Variants in KLF12 observed in about 807,000 individuals in gnomAD.
KLF12 encodes the protein KLF transcription factor 12.
Under a neutral mutation model 37.8 loss-of-function variants are expected in KLF12, and 9 were observed. The ratio of observed to expected loss-of-function variants is 0.24; its 90% CI spans 0.14 to 0.42. The LOEUF is 0.42. KLF12 is among the 10% of genes least tolerant of loss of function. KLF12 has a pLI of 1.00. For synonymous variants in KLF12, 208 were observed against 202.1 expected, an observed-to-expected ratio of 1.03 and a Z score of -0.25; for missense variants, 411 against 516.0, an observed-to-expected ratio of 0.80 and a Z score of 1.97.
the KLF12 span, among the ~76,000 whole-genome samples, chr13:74,217,036 T>C: frequency 6.6e-6 from 1 of 152,234 alleles, no homozygotes; most frequent in Non-Finnish European, 1.5e-5. Context: ...GTGTTTTTAT[T>C]TTTAAAAATA....
At chr13:74,045,363 G>A (rs771000125) in intron 1 of KLF12, among the ~76,000 whole-genome samples, 1 of 152,080 alleles carries the variant, frequency 6.6e-6, no homozygotes, top group African/African-American at 2.4e-5. Context: ...GGCATCAGAC[G>A]AATCTCGACT....
the KLF12 span, among the ~76,000 whole-genome samples, chr13:74,270,932 A>T: frequency 2.6e-3 from 401 of 152,274 alleles, 10 homozygotes; most frequent in East Asian, 0.051. Flanking sequence ...TAGGTTAGTT[A>T]GAACAGCAGT....
intron 3 of KLF12, among the ~76,000 whole-genome samples, chr13:73,913,196 G>A (rs915758841): frequency 6.6e-6 from 1 of 152,118 alleles, no homozygotes; most frequent in Non-Finnish European, 1.5e-5. Context: ...GACTACTTTT[G>A]TTTTGCATTT....
chr13:73,801,992 A>G (rs183434209), intron 5 of KLF12: 1 of 152,306 alleles, frequency 6.6e-6, no homozygotes, highest in Non-Finnish European at 1.5e-5. Flanking sequence ...GGCCGTTTAA[A>G]CAATAAATCA....
At chr13:73,718,632 C>T (rs1417553236) in intron 6 of KLF12, among the ~76,000 whole-genome samples, 4 of 152,194 alleles carry the variant, frequency 2.6e-5, no homozygotes, top group Non-Finnish European at 4.4e-5. Context: ...GTGGCTCACA[C>T]CAGTAATCCC....
At chr13:73,700,439 T>A (rs187658866) in intron 7 of KLF12, among the ~76,000 whole-genome samples, 3 of 152,128 alleles carry the variant, frequency 2.0e-5, no homozygotes, top group African/African-American at 7.2e-5. Flanking sequence ...TTTAATTATC[T>A]AAGTGATAAA....
intron 1 of KLF12, among the ~76,000 whole-genome samples, chr13:74,125,066 A>G (rs1877856816): frequency 6.6e-6 from 1 of 150,384 alleles, no homozygotes; most frequent in Non-Finnish European, 1.5e-5. Flanking sequence ...AATTGCTTGA[A>G]CCCAAGAGGC....
chr13:74,068,231 AT>A (rs1454241508), intron 1 of KLF12, among the ~76,000 whole-genome samples: 1 of 152,350 alleles, frequency 6.6e-6, no homozygotes, highest in African/African-American at 2.4e-5. Flanking sequence ...CACAGTGTCT[AT>A]TTCTACGAAA....
chr13:74,207,503 G>A, the KLF12 span, among the ~76,000 whole-genome samples: 8 of 151,930 alleles, frequency 5.3e-5, no homozygotes, highest in East Asian at 1.9e-4. Context: ...GTGAAACCCC[G>A]TCTCTACTAA....
At chr13:73,882,388 A>T (rs1887023135) in intron 3 of KLF12, among the ~76,000 whole-genome samples, 1 of 152,250 alleles carries the variant, frequency 6.6e-6, no homozygotes, top group African/African-American at 2.4e-5. Flanking sequence ...GGAATATACA[A>T]AAACAGAGGA....
At chr13:74,257,562 C>T in the KLF12 span, 1 of 152,174 alleles carries the variant, frequency 6.6e-6, no homozygotes, top group African/African-American at 2.4e-5. Context: ...CCCGTGGATG[C>T]TCCAGCACAT....
chr13:74,005,764 C>T (rs1007147513), intron 1 of KLF12, among the ~76,000 whole-genome samples: 1 of 152,232 alleles, frequency 6.6e-6, no homozygotes, highest in African/African-American at 2.4e-5. Context: ...TTATAAATGG[C>T]AATCTTTGTC....
chr13:74,197,890 C>A, the KLF12 span, among the ~76,000 whole-genome samples: 237 of 152,032 alleles, frequency 1.6e-3, 2 homozygotes, highest in East Asian at 4.1e-3. Flanking sequence ...CCATCTGGAA[C>A]AAAGAGGGCA....
intron 2 of KLF12, among the ~76,000 whole-genome samples, chr13:73,953,547 G>C (rs564909578): frequency 3.8e-4 from 58 of 152,146 alleles, no homozygotes; most frequent in Non-Finnish European, 7.6e-4. Context: ...ACACTGAAGG[G>C]AGTATGTAAT....
rs199656410 is a variant in KLF12 at position 73,846,383 on chromosome 13, G to A, written c.124-10C>T. 121 of 1,596,560 alleles carry A rather than the reference G, an allele frequency of 7.6e-5. No homozygotes were observed. The highest frequency in any genetic ancestry group is 5.1e-4 in the Admixed American group (29 of 57,030). ...TGTGGACGTTTGGAGACTGTGGGGA[G>A]AAAAATGGAACATATATTTATCTTT... On this transcript the variant is annotated splice_polypyrimidine_tract_variant and intron_variant, in intron 3 of 7. Coordinates refer to ENST00000377669, the MANE Select transcript of KLF12 (RefSeq NM_007249.5).
intron 3 of KLF12, among the ~76,000 whole-genome samples, chr13:73,856,414 C>A (rs185153401): frequency 2.0e-5 from 3 of 152,158 alleles, no homozygotes; most frequent in Non-Finnish European, 2.9e-5. Context: ...TAGGAAGGTA[C>A]GCGTTTTAAG....
chr13:74,151,133 T>C, the KLF12 span, among the ~76,000 whole-genome samples: 1 of 152,202 alleles, frequency 6.6e-6, no homozygotes, highest in African/African-American at 2.4e-5. Flanking sequence ...TGTTAACTTA[T>C]TTAGGTAATT....
intron 7 of KLF12, among the ~76,000 whole-genome samples, chr13:73,708,965 T>C: frequency 6.6e-6 from 1 of 152,188 alleles, no homozygotes; most frequent in Middle Eastern, 3.2e-3. Context: ...CTGACAATAA[T>C]GTGTATGTGA....
chr13:73,999,854 G>C (rs1025867551), intron 1 of KLF12, among the ~76,000 whole-genome samples: 4 of 152,178 alleles, frequency 2.6e-5, no homozygotes, highest in African/African-American at 9.7e-5. Context: ...ATCATATCCA[G>C]CATGTCAGGA....
Sources: gnomAD v4.1 joint callset for allele counts (sites outside exome capture counted in the v4.1 genomes callset) on GRCh38, gnomAD v4.1.1 for gene constraint, MANE v1.5 for transcripts, NCBI Gene and HGNC (gene_info 2026-07-23, HGNC 2026-07-21) for gene names.